TAFA5: variants seen among roughly 807,000 people sequenced by gnomAD.
TAFA5 encodes chemokine-like protein TAFA-5.
In TAFA5, 6 loss-of-function variants were observed where a neutral mutation model predicts 15.3. That is an observed-to-expected ratio of 0.39 (90% CI 0.21 to 0.77). TAFA5 has a LOEUF of 0.77. Among genes scored for constraint, TAFA5 ranks in the 30% least tolerant of loss-of-function variants. The pLI, the probability that TAFA5 is intolerant of heterozygous loss-of-function variation, is 0.41. For missense variants in TAFA5, 161 were observed against 193.1 expected, an observed-to-expected ratio of 0.83 and a Z score of 0.98; for synonymous variants, 103 against 80.7, an observed-to-expected ratio of 1.28 and a Z score of -1.48.
chr22:48,698,369 AG>A (rs1351527200), intron 2 of TAFA5, among the ~76,000 whole-genome samples: 10 of 148,282 alleles, frequency 6.7e-5, no homozygotes, highest in Non-Finnish European at 1.0e-4. Flanking sequence ...CAGGAGGCCA[AG>A]GGAAGGGAAT....
chr22:48,601,898 T>G (rs1036223232), intron 1 of TAFA5, among the ~76,000 whole-genome samples: 8 of 152,310 alleles, frequency 5.3e-5, no homozygotes, highest in Non-Finnish European at 8.8e-5. Context: ...CTCCACACAG[T>G]CGCACACCAT....
intron 2 of TAFA5, chr22:48,693,104 C>T (rs4925440): frequency 0.17 from 105,884 of 613,122 alleles, 11,174 homozygotes; most frequent in Non-Finnish European, 0.22. Context: ...ACCCTGTCCG[C>T]CCACTCGGAT....
At chr22:48,600,881 C>T (rs764275160) in intron 1 of TAFA5, among the ~76,000 whole-genome samples, 2 of 152,076 alleles carry the variant, frequency 1.3e-5, no homozygotes, top group Admixed American at 6.5e-5. Flanking sequence ...GCGAGGCTTG[C>T]GGGGCTTGTG....
intron 2 of TAFA5, among the ~76,000 whole-genome samples, chr22:48,690,632 T>A (rs535226582): frequency 6.6e-6 from 1 of 152,232 alleles, no homozygotes; most frequent in African/African-American, 2.4e-5. Context: ...AAACCTCATC[T>A]CTTCTAGGGA....
intron 1 of TAFA5, among the ~76,000 whole-genome samples, chr22:48,565,076 C>G (rs1048866197): frequency 6.6e-6 from 1 of 152,224 alleles, no homozygotes; most frequent in Non-Finnish European, 1.5e-5. Flanking sequence ...ACCTCATGGC[C>G]GTGGTGGGGC....
chr22:48,602,300 C>A (rs977851645), intron 1 of TAFA5, among the ~76,000 whole-genome samples: 23 of 152,254 alleles, frequency 1.5e-4, no homozygotes, highest in Non-Finnish European at 2.2e-4. Context: ...GCCACCCCCC[C>A]ACAAGCACAC....
chr22:48,682,775 G>C lies in TAFA5; in HGVS notation c.263-24942G>C, dbSNP rs187364579. Among the ~76,000 whole-genome samples, 3 of 152,316 alleles carry C rather than the reference G, an allele frequency of 2.0e-5. No individual in the cohort carries two copies. The East Asian group carries it at 5.8e-4, about 29-fold the overall frequency. On this transcript the variant is annotated intron_variant, in intron 2 of 3. Coordinates refer to ENST00000402357, the MANE Select transcript of TAFA5 (RefSeq NM_001082967.3). ...TGGATGAGGCCTTTGCTTTGCGGGTGATCTGTGGCTTGGTGCTTTCGTCGG... is the reference window on the plus strand; with the variant it reads ...TGGATGAGGCCTTTGCTTTGCGGGTCATCTGTGGCTTGGTGCTTTCGTCGG...
chr22:48,531,114 CTGGGCCTGTTTCAGATCCAGGAAG>C (rs1921956514), intron 1 of TAFA5, among the ~76,000 whole-genome samples: 1 of 127,792 alleles, frequency 7.8e-6, no homozygotes, highest in Admixed American at 8.8e-5. Context: ...GCCGACGTGG[CTGGGCCTGTTTCAGATCCAGGAAG>C]TGTGGGTCTG....
intron 1 of TAFA5, among the ~76,000 whole-genome samples, chr22:48,500,988 T>G (rs1246935629): frequency 6.6e-6 from 1 of 151,860 alleles, no homozygotes; most frequent in African/African-American, 2.4e-5. Flanking sequence ...CAAGGCCCCT[T>G]CCATGGGCAT....
chr22:48,493,670 G>GT (rs1387902732), intron 1 of TAFA5, among the ~76,000 whole-genome samples: 2 of 151,828 alleles, frequency 1.3e-5, no homozygotes, highest in African/African-American at 2.4e-5. Flanking sequence ...TGGGATGTTT[G>GT]TTTTTTTTCA....
intron 2 of TAFA5, among the ~76,000 whole-genome samples, chr22:48,660,102 T>TC (rs74710798): frequency 0.06 from 9,065 of 152,134 alleles, 379 homozygotes; most frequent in African/African-American, 0.11. Flanking sequence ...TTCACCCTTC[T>TC]AGGGGGCTGG....
At position 48,490,096 on chromosome 22, in the gene TAFA5, G is replaced by C. The variant is rs927107221; in HGVS notation, c.112+392G>C. ...CGGGCGGCGCTGCCGGGGTGTCTGC[G>C]GAGCGCCCTCCCCGTGCCTCAGCCC... On this transcript the variant is annotated intron_variant, in intron 1 of 3. Transcript: ENST00000402357. The surrounding 1 kb of genome is among the most constrained non-coding windows in gnomAD (Gnocchi z 5.8). 6.6e-6 allele frequency among the ~76,000 whole-genome samples: 1 copy of C among 152,076 alleles called. No individual in the cohort carries two copies. Among genetic ancestry groups the C allele is most frequent in the Admixed American group, 6.5e-5 (1 of 15,270 alleles).
At chr22:48,523,998 G>A (rs1432648956) in intron 1 of TAFA5, among the ~76,000 whole-genome samples, 2 of 152,222 alleles carry the variant, frequency 1.3e-5, no homozygotes, top group African/African-American at 4.8e-5. Flanking sequence ...AACCTGCCCC[G>A]GGGCCGGGCT....
chr22:48,610,844 C>G (rs1002408740), intron 1 of TAFA5, among the ~76,000 whole-genome samples: 2 of 152,190 alleles, frequency 1.3e-5, no homozygotes, highest in Non-Finnish European at 2.9e-5. Context: ...CTTCCCCCTC[C>G]CAGACTGTGG....
chr22:48,646,699 A>C lies in TAFA5; in HGVS notation c.215A>C (p.Lys72Thr), dbSNP rs1396418096. The C allele has an allele frequency of 6.2e-7, 1 of 1,607,404 alleles. No homozygotes were observed. The highest frequency in any genetic ancestry group is 2.2e-5 in the East Asian group (1 of 44,772). The stretch of plus-strand genomic sequence containing the variant: ...CAGACCGCCCGCTGTGCGTGTAGAA[A>C]GGGGCAGATCGCCGGCACCACGAGA... ...ARQTARCACR[K>T]GQIAGTTRAR... Residue 72 changes from lysine to threonine, a missense_variant, in exon 2 of 4, where the codon AAG (lysine) becomes ACG (threonine). Lys to Thr is a moderately conservative substitution (Grantham distance 78). Coordinates refer to ENST00000402357, the MANE Select transcript of TAFA5 (RefSeq NM_001082967.3).
In TAFA5 at chr22:48,733,199, A is replaced by G. The variant is rs577369913; in HGVS notation, c.391-16640A>G. On this transcript the variant is annotated intron_variant, in intron 3 of 3. Transcript: ENST00000402357. ...ATATTTTAAAAAGTCTTCTAATTCAATAGATGCTGGGAAAGTCACTAGGGG... is the reference window on the plus strand; with the variant it reads ...ATATTTTAAAAAGTCTTCTAATTCAGTAGATGCTGGGAAAGTCACTAGGGG... 2.6e-4 allele frequency among the ~76,000 whole-genome samples: 40 copies of G among 152,338 alleles called. No individual in the cohort carries two copies. In the South Asian group the frequency reaches 6.8e-3, roughly 26 times the overall value.
chr22:48,536,052 C>T (rs946476593), intron 1 of TAFA5, among the ~76,000 whole-genome samples: 4 of 152,264 alleles, frequency 2.6e-5, no homozygotes, highest in Non-Finnish European at 4.4e-5. Context: ...GCCCCCGCCA[C>T]AGAGCTGCAC....
intron 3 of TAFA5, among the ~76,000 whole-genome samples, chr22:48,712,968 G>A (rs1929298328): frequency 2.0e-5 from 3 of 152,216 alleles, no homozygotes; most frequent in Admixed American, 1.3e-4. Context: ...AACCACACAT[G>A]CAACTGGCTT....
intron 3 of TAFA5, among the ~76,000 whole-genome samples, chr22:48,741,733 G>A (rs1400822851): frequency 6.6e-6 from 1 of 152,088 alleles, no homozygotes; most frequent in Non-Finnish European, 1.5e-5. Context: ...TCAGAAGCCA[G>A]CCTTGCCGCA....
Sources: allele counts gnomAD v4.1 joint callset (sites outside exome capture counted in the v4.1 genomes callset), GRCh38; gene constraint gnomAD v4.1.1; non-coding constraint Gnocchi (gnomAD v3.1); transcripts MANE v1.5; gene names NCBI Gene and HGNC (gene_info 2026-07-23, HGNC 2026-07-21).